Variants in MAST2 observed in about 807,000 individuals in gnomAD.
MAST2 encodes the protein microtubule-associated serine/threonine-protein kinase 2.
Under a neutral mutation model 147.4 loss-of-function variants are expected in MAST2, and 70 were observed. The observed-to-expected ratio is 0.47, with a 90% confidence interval of 0.39 to 0.58. MAST2 has a LOEUF of 0.58. Among genes scored for constraint, MAST2 ranks in the 20% least tolerant of loss-of-function variants. The pLI is 0.00. For missense variants in MAST2, 2,080 were observed against 2,302.3 expected (o/e 0.90, Z 1.98); for synonymous variants, 869 against 896.8 (o/e 0.97, Z 0.55).
chr1:46,002,999 G>T, intron 7 of MAST2, 116 bp downstream of exon 7: 1 of 1,036,294 alleles, frequency 9.6e-7, no homozygotes, highest in Non-Finnish European at 1.5e-6. Context: ...ACTCAGAGAG[G>T]TTGCTGAGAG....
intron 4 of MAST2, among the ~76,000 whole-genome samples, chr1:45,903,126 CTTTTT>C (rs34621764): frequency 1.0e-4 from 8 of 79,322 alleles, no homozygotes; most frequent in African/African-American, 4.4e-4. Context: ...AAATTTTTGT[CTTTTT>C]TTTTTTTTTT....
chr1:45,962,987 G>C (rs987938101), intron 5 of MAST2, among the ~76,000 whole-genome samples: 1 of 152,182 alleles, frequency 6.6e-6, no homozygotes, highest in Non-Finnish European at 1.5e-5. Flanking sequence ...CATATGGCTA[G>C]CCAGTTTTCC....
At chr1:45,858,384 T>C (rs1041995862) in intron 3 of MAST2, among the ~76,000 whole-genome samples, 13 of 152,176 alleles carry the variant, frequency 8.5e-5, no homozygotes, top group African/African-American at 3.1e-4. Flanking sequence ...CATTTTTTCA[T>C]GTGTCTGTTG....
chr1:45,957,986 G>T (rs1659878646), intron 4 of MAST2, among the ~76,000 whole-genome samples: 1 of 152,136 alleles, frequency 6.6e-6, no homozygotes, highest in South Asian at 2.1e-4. Flanking sequence ...ACTCAGAAGA[G>T]AAATTGGGGA....
chr1:45,975,007 G>A (rs1644076662), intron 5 of MAST2, among the ~76,000 whole-genome samples: 1 of 152,166 alleles, frequency 6.6e-6, no homozygotes, highest in African/African-American at 2.4e-5. Context: ...AAACCTGGGT[G>A]TTTTTATGGA....
intron 4 of MAST2, among the ~76,000 whole-genome samples, chr1:45,923,236 G>T (rs1653819851): frequency 6.6e-6 from 1 of 152,148 alleles, no homozygotes; most frequent in African/African-American, 2.4e-5. Flanking sequence ...GGGCCTGTAG[G>T]GGGGCTTCCA....
chr1:45,996,195 G>A (rs979245420), intron 5 of MAST2, among the ~76,000 whole-genome samples: 16 of 151,568 alleles, frequency 1.1e-4, no homozygotes, highest in Non-Finnish European at 2.4e-4. Flanking sequence ...TAACCAGACC[G>A]ATCCTTGGAA....
At position 45,936,463 on chromosome 1, in the gene MAST2, T is replaced by TCAAA. The variant is rs74602927; in HGVS notation, c.501-22923_501-22922insCAAA. On this transcript the variant is annotated intron_variant, in intron 4 of 28. Coordinates refer to ENST00000361297, the MANE Select transcript of MAST2 (RefSeq NM_015112.3). The stretch of plus-strand genomic sequence containing the variant: ...TGTTCCAGTTCTCAAGGGGACCGTG[T>TCAAA]TTTTTGCCCAGCATGATGTTACCTG... 2.6e-5 allele frequency among the ~76,000 whole-genome samples: 4 copies of TCAAA among 151,740 alleles called. No homozygotes were observed. In the South Asian group the frequency reaches 8.3e-4, roughly 32 times the overall value.
At position 46,035,763 on chromosome 1, in the gene MAST2, TC is replaced by T; in HGVS notation, c.5097del (p.Arg1700GlyfsTer36). On this transcript the variant is annotated frameshift_variant, in exon 29 of 29. Transcript: ENST00000361297. LOFTEE classifies it low-confidence loss of function (END_TRUNC). This position sits in a 1 kb window ranked among gnomAD's most constrained non-coding sequence, Gnocchi z 5.5. The stretch of plus-strand genomic sequence containing the variant: ...CTCCAGCCCAGCCTAAGAACCTGTC[TC>T]CCAGGGAGCAGGGGAAGACACAGCC... ...TTPAQPKNLS[P>X]REQGKTQPPS... is the part of the protein sequence containing the mutation. 6.2e-7 allele frequency: 1 copy of T among 1,613,964 alleles called. No individual in the cohort carries two copies. Among genetic ancestry groups the T allele is most frequent in the Non-Finnish European group, 8.5e-7 (1 of 1,180,012 alleles).
At chr1:45,827,613 C>G (rs371178608) in intron 2 of MAST2, among the ~76,000 whole-genome samples, 2 of 151,942 alleles carry the variant, frequency 1.3e-5, no homozygotes, top group South Asian at 4.2e-4. Context: ...AGGCTCTACT[C>G]TGGGCTTATG....
intron 4 of MAST2, among the ~76,000 whole-genome samples, chr1:45,932,690 A>G (rs1276922574): frequency 1.3e-5 from 2 of 151,898 alleles, no homozygotes; most frequent in Non-Finnish European, 2.9e-5. Flanking sequence ...CCCCCTCCCC[A>G]CTCCAAAAAA....
intron 3 of MAST2, among the ~76,000 whole-genome samples, chr1:45,867,661 G>T (rs980135736): frequency 1.3e-5 from 2 of 152,124 alleles, no homozygotes; most frequent in African/African-American, 4.8e-5. Flanking sequence ...AGATTGGAGG[G>T]GTGATAGCAG....
chr1:46,019,854 T>C (rs1646111623), intron 11 of MAST2, among the ~76,000 whole-genome samples, 157 bp downstream of exon 11: 1 of 152,214 alleles, frequency 6.6e-6, no homozygotes, highest in Non-Finnish European at 1.5e-5. Context: ...ACTAAACAGG[T>C]TTTTGTGAGG....
intron 4 of MAST2, among the ~76,000 whole-genome samples, chr1:45,914,565 G>A (rs12564541): frequency 0.44 from 67,605 of 151,944 alleles, 15,246 homozygotes; most frequent in East Asian, 0.63. Flanking sequence ...GTCTTGAACT[G>A]CCTTTGTTTA....
intron 4 of MAST2, among the ~76,000 whole-genome samples, chr1:45,935,474 A>G (rs1260081059): frequency 1.3e-5 from 2 of 152,092 alleles, no homozygotes; most frequent in Non-Finnish European, 2.9e-5. Flanking sequence ...TCCAGGGCCT[A>G]TGTCCAGAGT....
chr1:45,969,492 G>C (rs773810218), intron 5 of MAST2, among the ~76,000 whole-genome samples: 1 of 152,050 alleles, frequency 6.6e-6, no homozygotes, highest in African/African-American at 2.4e-5. Flanking sequence ...TCACATTACC[G>C]CCTGAGCTCT....
chr1:45,950,888 C>G (rs1658830542), intron 4 of MAST2, among the ~76,000 whole-genome samples: 1 of 152,018 alleles, frequency 6.6e-6, no homozygotes, highest in South Asian at 2.1e-4. Context: ...TCGAAACCAG[C>G]CTGGGCAACA....
Position 46,030,754 on chromosome 1 carries a change from CCT to C in MAST2, c.2702_2703del (p.Pro901ArgfsTer11). ...GRDRSWVIGSPEILRKRLSVS... is the reference protein window; with the variant it reads ...GRDRSWVIGSXEILRKRLSVS... ...AGACCGGAGCTGGGTGATTGGCTCCCCTGAGATGTGAGCACCCAGAGTTCACC... is the reference window on the plus strand; with the variant it reads ...AGACCGGAGCTGGGTGATTGGCTCCCGAGATGTGAGCACCCAGAGTTCACC... On this transcript the variant is annotated frameshift_variant, in exon 22 of 29. Transcript: ENST00000361297. LOFTEE classifies it high-confidence loss of function. 6.3e-7 allele frequency: 1 copy of C among 1,579,410 alleles called. No homozygotes were observed. The highest frequency in any genetic ancestry group is 8.6e-7 in the Non-Finnish European group (1 of 1,166,996).
chr1:45,870,179 C>G (rs1646325364), intron 3 of MAST2, among the ~76,000 whole-genome samples: 1 of 152,202 alleles, frequency 6.6e-6, no homozygotes, highest in Admixed American at 6.5e-5. Flanking sequence ...CCACCTTGGC[C>G]TCCCAAAGTG....
Sources: allele counts gnomAD v4.1 joint callset (sites outside exome capture counted in the v4.1 genomes callset), GRCh38; gene constraint gnomAD v4.1.1; non-coding constraint Gnocchi (gnomAD v3.1); transcripts MANE v1.5; gene names NCBI Gene and HGNC (gene_info 2026-07-23, HGNC 2026-07-21).